PLB1: variants seen among roughly 807,000 people sequenced by gnomAD.
The protein encoded by PLB1 is phospholipase B1, also known as phospholipase B1, membrane-associated.
In PLB1, 242 loss-of-function variants were observed where a neutral mutation model predicts 227.4. The ratio of observed to expected loss-of-function variants is 1.06; its 90% CI spans 0.96 to 1.18. The LOEUF (loss-of-function observed/expected upper bound fraction) is 1.18, where lower values mean the gene tolerates loss of function less well. Among genes scored for constraint, PLB1 ranks in the 50% most tolerant of loss-of-function variants. PLB1 has a pLI of 0.00. For missense variants in PLB1, 1,858 were observed against 1,816.3 expected, an observed-to-expected ratio of 1.02 and a Z score of -0.42; for synonymous variants, 757 against 682.2, an observed-to-expected ratio of 1.11 and a Z score of -1.71.
At chr2:28,622,908 A>G (rs925194625) in intron 49 of PLB1, among the ~76,000 whole-genome samples, 5 of 152,206 alleles carry the variant, frequency 3.3e-5, no homozygotes, top group African/African-American at 4.8e-5. Flanking sequence ...ATAATTAAAA[A>G]TAAATAAAAG....
intron 14 of PLB1, chr2:28,548,454 C>T (rs1219501947): frequency 4.7e-6 from 2 of 430,088 alleles, no homozygotes; most frequent in Non-Finnish European, 9.8e-6. Context: ...CTGTGTGACC[C>T]ATTGCTAGAT....
chr2:28,522,174 G>T (rs1170177936), intron 4 of PLB1, among the ~76,000 whole-genome samples: 1 of 151,878 alleles, frequency 6.6e-6, no homozygotes, highest in Non-Finnish European at 1.5e-5. Context: ...TTGAGCACTG[G>T]ATGAAGCTGG....
chr2:28,589,170 A>C (rs59936331), intron 26 of PLB1, among the ~76,000 whole-genome samples: 6 of 151,688 alleles, frequency 4.0e-5, no homozygotes, highest in Non-Finnish European at 8.8e-5. Flanking sequence ...GTCCCCCCAA[A>C]AAAAAAAGGT....
Position 28,620,884 on chromosome 2 carries a change from C to G in PLB1, c.3433C>G (p.Leu1145Val). 1 of 1,613,338 alleles carries G rather than the reference C, an allele frequency of 6.2e-7. No individual in the cohort carries two copies. ...LETHTTLPNI[L>V]KKFNPYLLGF... ...CTCCTCCTCCTCCTCTAAAGACATTCTGAAGAAGTTCAACCCTTACCTCCT... is the reference window on the plus strand; with the variant it reads ...CTCCTCCTCCTCCTCTAAAGACATTGTGAAGAAGTTCAACCCTTACCTCCT... Residue 1145 changes from leucine to valine, a missense_variant, in exon 49 of 58, where the codon CTG becomes GTG. Coordinates refer to ENST00000327757, the MANE Select transcript of PLB1 (RefSeq NM_153021.5).
chr2:28,562,027 TA>T (rs1676133589), intron 17 of PLB1, among the ~76,000 whole-genome samples: 1 of 152,262 alleles, frequency 6.6e-6, no homozygotes, highest in African/African-American at 2.4e-5. Flanking sequence ...CCAGAATAGA[TA>T]AATCCATAGA....
At chr2:28,636,069 A>G (rs374784486) in intron 56 of PLB1, among the ~76,000 whole-genome samples, 9 of 82,966 alleles carry the variant, frequency 1.1e-4, no homozygotes, top group South Asian at 8.7e-4. Context: ...GTATGTATGT[A>G]TGTATGTATG....
chr2:28,551,324 G>A (rs976478386), intron 16 of PLB1, among the ~76,000 whole-genome samples: 1 of 152,210 alleles, frequency 6.6e-6, no homozygotes, highest in African/African-American at 2.4e-5. Flanking sequence ...TTCCCATGGA[G>A]ATTAGGCAGG....
At chr2:28,579,815 ATGG>A (rs984362203) in intron 23 of PLB1, 108 bp downstream of exon 23, 8 of 942,226 alleles carry the variant, frequency 8.5e-6, no homozygotes, top group African/African-American at 1.6e-5. Flanking sequence ...ACTCAGGCTC[ATGG>A]TTTGTCTTGG....
At chr2:28,552,060 C>A (rs145398464) in intron 16 of PLB1, among the ~76,000 whole-genome samples, 146 of 152,222 alleles carry the variant, frequency 9.6e-4, no homozygotes, top group African/African-American at 3.4e-3. Context: ...GGAACTCAGT[C>A]TGGTAGAGAA....
At chr2:28,544,596 A>G (rs1354558771) in intron 14 of PLB1, among the ~76,000 whole-genome samples, 1 of 152,232 alleles carries the variant, frequency 6.6e-6, no homozygotes, top group Admixed American at 6.5e-5. Flanking sequence ...GGGAAGGGCC[A>G]GACAGCCCAG....
chr2:28,598,070 GA>G (rs1273499149), intron 34 of PLB1, 22 bp downstream of exon 34: 2 of 1,604,600 alleles, frequency 1.2e-6, no homozygotes, highest in African/African-American at 2.7e-5. Context: ...TCAGGGGCTT[GA>G]ATCTGTCTAC....
chr2:28,525,797 C>A, intron 5 of PLB1, 108 bp from the exon 6 acceptor site: 1 of 1,372,712 alleles, frequency 7.3e-7, no homozygotes, highest in Non-Finnish European at 1.0e-6. Context: ...AGAACCAGAG[C>A]AAGGCTAGGC....
intron 2 of PLB1, 45 bp from the exon 3 acceptor site, chr2:28,518,421 C>T (rs764106699): frequency 8.4e-6 from 12 of 1,435,660 alleles, no homozygotes; most frequent in Non-Finnish European, 1.2e-5. Flanking sequence ...TGCAATATTT[C>T]TATACAAGGC....
chr2:28,573,231 C>A lies in PLB1; in HGVS notation c.1359C>A (p.Gly453=), dbSNP rs1436038557. The part of the protein sequence containing the change: ...ILREFNPSLK[G]FSVGTGKETS... Reference sequence around the variant, plus strand: ...GGGAATTCAACCCTTCCCTGAAGGGCTTCTCTGTTGGCACTGGGAAAGAAA... The same window carrying A: ...GGGAATTCAACCCTTCCCTGAAGGGATTCTCTGTTGGCACTGGGAAAGAAA... Residue 453 remains glycine (G), a synonymous_variant, in exon 21 of 58, where the codon GGC becomes GGA. Transcript: ENST00000327757. 8.7e-6 allele frequency: 14 copies of A among 1,614,136 alleles called. No homozygotes were observed. The highest frequency in any genetic ancestry group is 1.7e-4 in the Middle Eastern group (1 of 6,032).
intron 26 of PLB1, 93 bp downstream of exon 26, chr2:28,585,935 C>T (rs1475609969): frequency 1.7e-6 from 2 of 1,191,802 alleles, no homozygotes; most frequent in Middle Eastern, 1.9e-4. Flanking sequence ...GTAATTTTGA[C>T]CCTGTGTGGG....
At chr2:28,519,449 T>C (rs1669227998) in intron 3 of PLB1, among the ~76,000 whole-genome samples, 1 of 152,184 alleles carries the variant, frequency 6.6e-6, no homozygotes, top group Non-Finnish European at 1.5e-5. Context: ...TGACCTTCCA[T>C]GGGTCACCTG....
At chr2:28,620,670 T>C in intron 48 of PLB1, 27 bp downstream of exon 48, 1 of 1,613,456 alleles carries the variant, frequency 6.2e-7, no homozygotes, top group East Asian at 2.2e-5. Flanking sequence ...AGAGGCACCA[T>C]CACTGTGGCC....
intron 13 of PLB1, among the ~76,000 whole-genome samples, chr2:28,542,955 T>C (rs979002965): frequency 6.6e-6 from 1 of 152,168 alleles, no homozygotes; most frequent in Non-Finnish European, 1.5e-5. Flanking sequence ...TTCCACTGTT[T>C]AGTTCAGTGA....
chr2:28,532,027 GAAAGACATGAAAAC>G, intron 8 of PLB1, 67 bp from the exon 9 acceptor site: 2 of 1,107,932 alleles, frequency 1.8e-6, no homozygotes, highest in Non-Finnish European at 2.7e-6. Flanking sequence ...GTATGAAATG[GAAAGACATGAAAAC>G]AAAGACATTA....
Sources: allele counts gnomAD v4.1 joint callset (sites outside exome capture counted in the v4.1 genomes callset), GRCh38; gene constraint gnomAD v4.1.1; transcripts MANE v1.5; gene names NCBI Gene and HGNC (gene_info 2026-07-23, HGNC 2026-07-21).